The following SLC24A2 variants were observed in gnomAD, a reference collection of about 807,000 sequenced individuals.
SLC24A2 encodes the protein solute carrier family 24 member 2, also known as sodium/potassium/calcium exchanger 2.
In SLC24A2, 36 loss-of-function variants were observed where a neutral mutation model predicts 62.0. The ratio of observed to expected loss-of-function variants is 0.58; its 90% CI spans 0.44 to 0.77. The LOEUF is 0.77. Ranked by LOEUF, SLC24A2 falls within the 30% of genes least tolerant of loss-of-function variation. The pLI is 0.00. For missense variants in SLC24A2, 846 were observed against 817.9 expected (o/e 1.03, Z -0.42); for synonymous variants, 358 against 294.0 (o/e 1.22, Z -2.23).
chr9:20,227,730 G>A, the SLC24A2 span, among the ~76,000 whole-genome samples: 1 of 152,066 alleles, frequency 6.6e-6, no homozygotes, highest in Admixed American at 6.6e-5. Flanking sequence ...CTGAGCTCAG[G>A]CTTAAAGACT....
chr9:19,837,778 A>T, the SLC24A2 span, among the ~76,000 whole-genome samples: 1 of 152,046 alleles, frequency 6.6e-6, no homozygotes, highest in Non-Finnish European at 1.5e-5. Context: ...CCAATAACAG[A>T]CAAACAGAGA....
intron 2 of SLC24A2, among the ~76,000 whole-genome samples, chr9:19,680,485 C>CTT (rs1819688163): frequency 6.6e-6 from 1 of 151,714 alleles, no homozygotes; most frequent in Non-Finnish European, 1.5e-5. Flanking sequence ...CTACTGTTGA[C>CTT]AAGGTTCAGC....
At chr9:20,218,998 CAG>C in the SLC24A2 span, among the ~76,000 whole-genome samples, 1 of 152,104 alleles carries the variant, frequency 6.6e-6, no homozygotes, top group Admixed American at 6.6e-5. Flanking sequence ...TTAACAAAAT[CAG>C]AGAGTCAGAG....
the SLC24A2 span, among the ~76,000 whole-genome samples, chr9:19,992,578 GATTA>G: frequency 6.6e-6 from 1 of 152,170 alleles, no homozygotes; most frequent in Non-Finnish European, 1.5e-5. Flanking sequence ...GATAAGATTT[GATTA>G]ATTATTTTAT....
chr9:20,090,468 T>C, the SLC24A2 span, among the ~76,000 whole-genome samples: 1 of 152,078 alleles, frequency 6.6e-6, no homozygotes, highest in Non-Finnish European at 1.5e-5. Context: ...ACGATTGCAA[T>C]TGGTGAAGAA....
chr9:20,015,213 T>G, the SLC24A2 span, among the ~76,000 whole-genome samples: 1 of 152,272 alleles, frequency 6.6e-6, no homozygotes, highest in African/African-American at 2.4e-5. Context: ...GGGCCTAACC[T>G]CAGCAGGTCA....
the SLC24A2 span, among the ~76,000 whole-genome samples, chr9:19,945,801 C>T: frequency 1.7e-4 from 26 of 152,158 alleles, no homozygotes; most frequent in Non-Finnish European, 3.8e-4. Flanking sequence ...AGGTTTCTTC[C>T]CATTACAGTG....
chr9:19,669,316 T>C (rs1819346679), intron 2 of SLC24A2, among the ~76,000 whole-genome samples: 1 of 152,144 alleles, frequency 6.6e-6, no homozygotes, highest in East Asian at 1.9e-4. Flanking sequence ...TGGTGGGTTA[T>C]GGGGAGAAGT....
chr9:20,086,429 T>A, the SLC24A2 span, among the ~76,000 whole-genome samples: 1 of 152,196 alleles, frequency 6.6e-6, no homozygotes, highest in East Asian at 1.9e-4. Flanking sequence ...GTGTTTGTGT[T>A]TGCCTATTAT....
intron 2 of SLC24A2, among the ~76,000 whole-genome samples, chr9:19,782,910 T>C (rs7875759): frequency 0.054 from 8,170 of 152,250 alleles, 728 homozygotes; most frequent in East Asian, 0.43. Flanking sequence ...GACTCTTTCC[T>C]TTTTGAGTTA....
the SLC24A2 span, among the ~76,000 whole-genome samples, chr9:20,095,750 G>A: frequency 1.9e-4 from 28 of 150,270 alleles, no homozygotes; most frequent in Admixed American, 7.3e-4. Context: ...CCCAAGACTG[G>A]GTAATTTATT....
chr9:19,521,152 A>G, intron 9 of SLC24A2, 92 bp from the exon 10 acceptor site: 3 of 1,106,416 alleles, frequency 2.7e-6, no homozygotes, highest in South Asian at 2.6e-5. Context: ...CTTTTAATGC[A>G]TTTCTATACT....
chr9:19,557,971 C>T (rs1835182257), intron 7 of SLC24A2, among the ~76,000 whole-genome samples: 1 of 152,106 alleles, frequency 6.6e-6, no homozygotes, highest in African/African-American at 2.4e-5. Context: ...ACGTATGCAC[C>T]ACCATGGCTA....
chr9:19,798,172 C>T, the SLC24A2 span, among the ~76,000 whole-genome samples: 2 of 152,046 alleles, frequency 1.3e-5, no homozygotes, highest in Admixed American at 6.5e-5. Context: ...TAAAATTTGT[C>T]ATCTCATATG....
the SLC24A2 span, among the ~76,000 whole-genome samples, chr9:19,797,287 T>G: frequency 3.9e-5 from 6 of 152,212 alleles, no homozygotes; most frequent in African/African-American, 2.4e-5. Context: ...TAAGTATCTT[T>G]GAATTAATGA....
chr9:19,746,996 C>T (rs956890648), intron 2 of SLC24A2, among the ~76,000 whole-genome samples: 2 of 152,106 alleles, frequency 1.3e-5, no homozygotes, highest in Admixed American at 1.3e-4. Flanking sequence ...TGAGTGTCTA[C>T]TGTGGGCCAG....
the SLC24A2 span, among the ~76,000 whole-genome samples, chr9:20,109,291 A>G: frequency 3.3e-5 from 5 of 152,232 alleles, no homozygotes; most frequent in African/African-American, 1.2e-4. Context: ...TTATGCAGAA[A>G]AAAATTAACA....
chr9:19,649,001 C>CAAAAAAAAAAAAAAAAA (rs66653116), intron 2 of SLC24A2, among the ~76,000 whole-genome samples: 1 of 108,800 alleles, frequency 9.2e-6, no homozygotes, highest in Non-Finnish European at 1.9e-5. Flanking sequence ...GATTAAAAAC[C>CAAAAAAAAAAAAAAAAA]AAAAAAAAAA....
chr9:19,994,884 T>C, the SLC24A2 span, among the ~76,000 whole-genome samples: 3 of 152,308 alleles, frequency 2.0e-5, no homozygotes, highest in African/African-American at 7.2e-5. Flanking sequence ...TGTACCAATA[T>C]ACAGAGTGAG....
Sources: allele counts gnomAD v4.1 joint callset (sites outside exome capture counted in the v4.1 genomes callset), GRCh38; gene constraint gnomAD v4.1.1; transcripts MANE v1.5; gene names NCBI Gene and HGNC (gene_info 2026-07-23, HGNC 2026-07-21).